The following USH2A variants were observed in gnomAD, a reference collection of about 807,000 sequenced individuals.
USH2A encodes the protein Usher syndrome 2A (autosomal recessive, mild).
In USH2A, 443 loss-of-function variants were observed where a neutral mutation model predicts 538.9. The observed-to-expected ratio is 0.82, with a 90% confidence interval of 0.76 to 0.89. The LOEUF (loss-of-function observed/expected upper bound fraction) is 0.89, where lower values mean the gene tolerates loss of function less well. Among genes scored for constraint, USH2A ranks in the 40% least tolerant of loss-of-function variants. USH2A has a pLI of 0.00. For missense variants in USH2A, 6,633 were observed against 6,324.8 expected (o/e 1.05, Z -1.65); for synonymous variants, 2,413 against 2,273.5 (o/e 1.06, Z -1.75).
intron 16 of USH2A, among the ~76,000 whole-genome samples, chr1:216,203,296 T>G (rs2035039022): frequency 6.6e-6 from 1 of 151,990 alleles, no homozygotes; most frequent in South Asian, 2.1e-4. Context: ...CTGTTCTTTT[T>G]CCTATACATA....
At chr1:216,207,950 A>G (rs933237329) in intron 15 of USH2A, among the ~76,000 whole-genome samples, 11 of 150,404 alleles carry the variant, frequency 7.3e-5, no homozygotes, top group Non-Finnish European at 1.2e-4. Context: ...GATGTTAAAT[A>G]ATCTAAATAT....
chr1:216,323,704 G>T lies in USH2A; in HGVS notation c.1329-9C>A. 2 of 1,612,306 alleles carry T rather than the reference G, an allele frequency of 1.2e-6. No individual in the cohort carries two copies. The highest frequency in any genetic ancestry group is 1.7e-6 in the Non-Finnish European group (2 of 1,178,796). On this transcript the variant is annotated splice_polypyrimidine_tract_variant and intron_variant, in intron 7 of 71. Transcript: ENST00000307340. ...GGGAATATGGAGTAAAACTGTTAAT[G>T]AAAGAAATTCGATGTCATGAAAATC...
intron 58 of USH2A, among the ~76,000 whole-genome samples, chr1:215,750,387 C>T (rs1320468473): frequency 6.6e-6 from 1 of 152,038 alleles, no homozygotes; most frequent in East Asian, 1.9e-4. Flanking sequence ...CTCTTTGTAA[C>T]TTTTAGGGTG....
chr1:216,339,953 A>G (rs2102677043), intron 4 of USH2A, among the ~76,000 whole-genome samples: 1 of 152,138 alleles, frequency 6.6e-6, no homozygotes, highest in Non-Finnish European at 1.5e-5. Context: ...ACAAATAAAA[A>G]AATCTAGGAA....
At chr1:216,296,950 C>T (rs1036796949) in intron 9 of USH2A, among the ~76,000 whole-genome samples, 1 of 151,654 alleles carries the variant, frequency 6.6e-6, no homozygotes, top group African/African-American at 2.4e-5. Flanking sequence ...GCAAAAAGGC[C>T]ACTGTGAAAA....
At chr1:216,068,943 T>C (rs1045372670) in intron 30 of USH2A, among the ~76,000 whole-genome samples, 1 of 152,122 alleles carries the variant, frequency 6.6e-6, no homozygotes. Flanking sequence ...GTGTCTAATA[T>C]AATCTAAAAT....
intron 30 of USH2A, among the ~76,000 whole-genome samples, chr1:216,066,810 C>G (rs1188404317): frequency 1.3e-5 from 2 of 152,264 alleles, no homozygotes; most frequent in East Asian, 1.9e-4. Flanking sequence ...AAATATCACT[C>G]TCCCATTTCA....
chr1:216,117,426 A>C lies in USH2A; in HGVS notation c.4628-20213T>G, dbSNP rs533749058. On this transcript the variant is annotated intron_variant, in intron 21 of 71. Transcript: ENST00000307340. ...TTATATATAACTGAGCACATTCTTA[A>C]TGCAACTTAATTTCATTTTCCTTAG... 5.9e-5 allele frequency among the ~76,000 whole-genome samples: 9 copies of C among 152,290 alleles called. No individual in the cohort carries two copies. In the East Asian group the frequency reaches 1.7e-3, roughly 29 times the overall value.
At chr1:215,840,698 C>T (rs1384079847) in intron 46 of USH2A, among the ~76,000 whole-genome samples, 2 of 152,162 alleles carry the variant, frequency 1.3e-5, no homozygotes, top group South Asian at 4.1e-4. Flanking sequence ...CATGCATGCA[C>T]AGCACACAGT....
At chr1:216,318,574 C>T (rs140921029) in intron 9 of USH2A, among the ~76,000 whole-genome samples, 1 of 152,074 alleles carries the variant, frequency 6.6e-6, no homozygotes, top group East Asian at 1.9e-4. Context: ...TGACTTTTTC[C>T]CTGCAGCTGC....
intron 13 of USH2A, among the ~76,000 whole-genome samples, chr1:216,233,045 T>C (rs1029846629): frequency 2.0e-5 from 3 of 152,182 alleles, no homozygotes; most frequent in African/African-American, 4.8e-5. Flanking sequence ...CAATCTATTC[T>C]TCGTAGCAGT....
chr1:215,992,775 G>A (rs1668031594), intron 35 of USH2A, among the ~76,000 whole-genome samples: 1 of 151,952 alleles, frequency 6.6e-6, no homozygotes, highest in Non-Finnish European at 1.5e-5. Flanking sequence ...ACCTCTCCTG[G>A]AGCATATTAA....
At chr1:216,073,444 T>C in intron 27 of USH2A, 144 bp from the exon 28 acceptor site, 2 of 814,998 alleles carry the variant, frequency 2.5e-6, no homozygotes, top group South Asian at 3.1e-5. Context: ...TTGGAAAACC[T>C]TTTATGCCTC....
intron 48 of USH2A, among the ~76,000 whole-genome samples, chr1:215,815,123 T>G (rs1170794132): frequency 5.9e-5 from 9 of 152,040 alleles, no homozygotes; most frequent in Admixed American, 5.9e-4. Flanking sequence ...TTACAATTTT[T>G]TTTTTGAAAT....
chr1:215,950,692 A>G (rs1666891261), intron 37 of USH2A, among the ~76,000 whole-genome samples: 1 of 151,420 alleles, frequency 6.6e-6, no homozygotes. Context: ...TTGTATTTTT[A>G]GTAGAAATGG....
intron 10 of USH2A, among the ~76,000 whole-genome samples, chr1:216,290,584 A>G (rs955070917): frequency 3.3e-5 from 5 of 152,158 alleles, no homozygotes; most frequent in Admixed American, 3.3e-4. Context: ...AGTAATACAC[A>G]TTTATAAACC....
At chr1:216,392,324 C>A (rs2039124436) in intron 3 of USH2A, among the ~76,000 whole-genome samples, 1 of 151,814 alleles carries the variant, frequency 6.6e-6, no homozygotes, top group Admixed American at 6.6e-5. Flanking sequence ...CGGTGAAACC[C>A]TGTCTCTACT....
In USH2A at chr1:215,836,558, TATA is replaced by T. The variant is rs1285606992; in HGVS notation, c.9371+1430_9371+1432del. Among the ~76,000 whole-genome samples, 456 of 21,160 alleles carry T rather than the reference TATA, an allele frequency of 0.022. 92 individuals are homozygous for T. The East Asian group carries it at 0.39, about 18-fold the overall frequency. 13.9% of individuals were successfully genotyped at this position (21,160 alleles called of 152,430 possible). A position where few individuals can be genotyped will look rare whatever the true frequency, so the allele number is the denominator to read the frequency against. On this transcript the variant is annotated intron_variant, in intron 47 of 71. Coordinates refer to ENST00000307340, the MANE Select transcript of USH2A (RefSeq NM_206933.4). ...TATATATATAATATATATATATATA[TATA>T]TATATTTTTTTTTGAGACAGAGTAT...
intron 41 of USH2A, 21 bp from the exon 42 acceptor site, chr1:215,879,119 A>T (rs139189199): frequency 6.2e-7 from 1 of 1,600,206 alleles, no homozygotes; most frequent in East Asian, 2.2e-5. Flanking sequence ...AGATAAACTT[A>T]GAATCAGTGT....
Sources: gnomAD v4.1 joint callset for allele counts (sites outside exome capture counted in the v4.1 genomes callset) on GRCh38, gnomAD v4.1.1 for gene constraint, MANE v1.5 for transcripts, NCBI Gene and HGNC (gene_info 2026-07-23, HGNC 2026-07-21) for gene names.